SRGAP1: variants seen among roughly 807,000 people sequenced by gnomAD.
The protein encoded by SRGAP1 is SLIT-ROBO Rho GTPase activating protein 1.
A neutral mutation model predicts 121.9 loss-of-function variants in SRGAP1; 43 were observed. The ratio of observed to expected loss-of-function variants is 0.35; its 90% CI spans 0.28 to 0.46. The LOEUF (loss-of-function observed/expected upper bound fraction) is 0.46, where lower values mean the gene tolerates loss of function less well. SRGAP1 is among the 20% of genes least tolerant of loss of function. The pLI, the probability that SRGAP1 is intolerant of heterozygous loss-of-function variation, is 1.00. For missense variants in SRGAP1, 1,102 were observed against 1,350.9 expected (o/e 0.82, Z 2.89); for synonymous variants, 447 against 485.4 (o/e 0.92, Z 1.04).
chr12:64,113,385 G>A (rs976709978), intron 17 of SRGAP1, among the ~76,000 whole-genome samples: 1 of 152,104 alleles, frequency 6.6e-6, no homozygotes, highest in Non-Finnish European at 1.5e-5. Flanking sequence ...TCCAGCCTGG[G>A]TGACAGAGCA....
chr12:63,884,553 C>G (rs2136289769), intron 1 of SRGAP1, among the ~76,000 whole-genome samples: 1 of 152,172 alleles, frequency 6.6e-6, no homozygotes, highest in South Asian at 2.1e-4. Flanking sequence ...TCAAAAGCCT[C>G]TCTTCTAGCT....
Position 63,927,669 on chromosome 12 carries a change from A to G in SRGAP1, c.68-56278A>G, listed in dbSNP as rs138323672. Among the ~76,000 whole-genome samples, 1,265 of 152,004 alleles carry G rather than the reference A, an allele frequency of 8.3e-3. 5 individuals are homozygous for G. The highest frequency in any genetic ancestry group is 0.014 in the Non-Finnish European group (973 of 67,950). ...GTTTAAAACCTTACTGTCTGGCAAG[A>G]CTCATATAAAATACTGTTTCCTTTA... On this transcript the variant is annotated intron_variant, in intron 1 of 21. Transcript: ENST00000355086.
At chr12:63,880,300 C>T (rs1402241369) in intron 1 of SRGAP1, among the ~76,000 whole-genome samples, 2 of 152,144 alleles carry the variant, frequency 1.3e-5, no homozygotes, top group Non-Finnish European at 2.9e-5. Flanking sequence ...GGAGCAATCT[C>T]AGCTCACTGC....
At chr12:63,990,203 AT>A in intron 3 of SRGAP1, 131 bp downstream of exon 3, 1 of 726,240 alleles carries the variant, frequency 1.4e-6, no homozygotes, top group Non-Finnish European at 2.2e-6. Flanking sequence ...ACAGTTAAAA[AT>A]TAGATGAATG....
intron 4 of SRGAP1, among the ~76,000 whole-genome samples, chr12:64,039,660 T>TGTGTGTGTGTGTGTGTGTGTGTGA: frequency 6.9e-6 from 1 of 145,482 alleles, no homozygotes; most frequent in South Asian, 2.2e-4. Context: ...TGTGTGTGTG[T>TGTGTGTGTGTGTGTGTGTGTGTGA]ACACCCTCTC....
At chr12:64,063,211 A>C in intron 7 of SRGAP1, 73 bp downstream of exon 7, 1 of 1,325,182 alleles carries the variant, frequency 7.5e-7, no homozygotes, top group Non-Finnish European at 1.1e-6. Flanking sequence ...CTATAATCTA[A>C]CAGTTGTAAT....
In SRGAP1 at chr12:64,125,942, C is replaced by G. The variant is rs552088589; in HGVS notation, c.2225-35C>G. The stretch of plus-strand genomic sequence containing the variant: ...AGGATACCATGCCTTCCTAACAACC[C>G]TGTTTCTCGCTGTTTTCTGGTGTGT... On this transcript the variant is annotated intron_variant, in intron 18 of 21. Transcript: ENST00000355086. The G allele has an allele frequency of 5.1e-5, 81 of 1,602,550 alleles. 1 individual carries two copies. The South Asian group carries it at 7.8e-4, about 16-fold the overall frequency.
chr12:64,114,355 T>TC (rs1447326604), intron 17 of SRGAP1, among the ~76,000 whole-genome samples: 1 of 147,382 alleles, frequency 6.8e-6, no homozygotes, highest in Admixed American at 6.7e-5. Context: ...TTTTTTTTTT[T>TC]TTGGAGACAG....
intron 1 of SRGAP1, among the ~76,000 whole-genome samples, chr12:63,953,042 G>A (rs1384035881): frequency 1.3e-5 from 2 of 152,176 alleles, no homozygotes; most frequent in African/African-American, 4.8e-5. Flanking sequence ...GCTGGAGAAA[G>A]ACATCAAGAG....
intron 18 of SRGAP1, among the ~76,000 whole-genome samples, chr12:64,119,312 A>G (rs995175327): frequency 6.6e-6 from 1 of 152,220 alleles, no homozygotes; most frequent in Non-Finnish European, 1.5e-5. Flanking sequence ...TTAATCGTTC[A>G]TAAAGCAACA....
rs1275963686 is a variant in SRGAP1 at position 64,151,048 on chromosome 12, G to A, written c.*8376G>A. The stretch of plus-strand genomic sequence containing the variant: ...TACTGTGTTAGTAACTAAATATTAC[G>A]AGATGCATTAGGAAAAGAAGGAAAA... On this transcript the variant is annotated 3_prime_UTR_variant, in exon 22 of 22. Transcript: ENST00000355086. 6.7e-6 allele frequency: 1 copy of A among 148,526 alleles called. No individual in the cohort carries two copies. Among genetic ancestry groups the A allele is most frequent in the South Asian group, 2.1e-4 (1 of 4,686 alleles). The allele number at this position is 148,526 out of a possible 1,614,324, so 9.2% of individuals were successfully genotyped here.
At chr12:64,135,153 G>C (rs990601793) in intron 21 of SRGAP1, among the ~76,000 whole-genome samples, 1 of 152,150 alleles carries the variant, frequency 6.6e-6, no homozygotes, top group Non-Finnish European at 1.5e-5. Context: ...GGCAAAAAAG[G>C]TTCATCAGGG....
At chr12:64,044,705 A>G (rs951751112) in intron 6 of SRGAP1, among the ~76,000 whole-genome samples, 2 of 54,874 alleles carry the variant, frequency 3.6e-5, no homozygotes, top group African/African-American at 9.6e-5. Context: ...TTTTTAAGAC[A>G]GAGTCTCACT....
intron 12 of SRGAP1, among the ~76,000 whole-genome samples, chr12:64,092,510 A>G (rs2036074326): frequency 6.6e-6 from 1 of 152,022 alleles, no homozygotes; most frequent in Admixed American, 6.6e-5. Flanking sequence ...ACATATGTAC[A>G]TAGATTAAAA....
In SRGAP1 at chr12:63,984,161, A is replaced by G. The variant is rs1310477864; in HGVS notation, c.263+19A>G. The G allele has an allele frequency of 2.9e-6, 4 of 1,380,680 alleles. No individual in the cohort carries two copies. The East Asian group carries it at 8.0e-5, about 28-fold the overall frequency. 85.5% of individuals were successfully genotyped at this position (1,380,680 alleles called of 1,614,324 possible). On this transcript the variant is annotated intron_variant, in intron 2 of 21. Coordinates refer to ENST00000355086, the MANE Select transcript of SRGAP1 (RefSeq NM_020762.4). Reference sequence around the variant, plus strand: ...AATACAAGTAAGAGATTTGAATCTAATTCACCTTTCCAAGGGTGATATCCA... The same window carrying G: ...AATACAAGTAAGAGATTTGAATCTAGTTCACCTTTCCAAGGGTGATATCCA...
chr12:64,120,867 T>C (rs2036595119), intron 18 of SRGAP1, among the ~76,000 whole-genome samples: 1 of 152,242 alleles, frequency 6.6e-6, no homozygotes, highest in Non-Finnish European at 1.5e-5. Flanking sequence ...TAGTATTCTT[T>C]ACTGTCTTGA....
chr12:63,856,212 A>T (rs968707508), intron 1 of SRGAP1, among the ~76,000 whole-genome samples: 1 of 152,070 alleles, frequency 6.6e-6, no homozygotes, highest in Non-Finnish European at 1.5e-5. Context: ...AGATCGCACC[A>T]TTGCACTCCA....
chr12:64,125,951 G>T, intron 18 of SRGAP1, 26 bp from the exon 19 acceptor site: 1 of 1,606,002 alleles, frequency 6.2e-7, no homozygotes, highest in Non-Finnish European at 8.5e-7. Context: ...CCTGTTTCTC[G>T]CTGTTTTCTG....
intron 11 of SRGAP1, among the ~76,000 whole-genome samples, chr12:64,090,057 C>G (rs1038412837): frequency 3.3e-5 from 5 of 152,108 alleles, no homozygotes; most frequent in African/African-American, 1.2e-4. Flanking sequence ...ATAAGTCTTG[C>G]AGTTAAAAAG....
Sources: allele counts gnomAD v4.1 joint callset (sites outside exome capture counted in the v4.1 genomes callset), GRCh38; gene constraint gnomAD v4.1.1; transcripts MANE v1.5; gene names NCBI Gene and HGNC (gene_info 2026-07-23, HGNC 2026-07-21).